The following INTS8 variants were observed in gnomAD, a reference collection of about 807,000 sequenced individuals.
INTS8 encodes the protein integrator complex subunit 8.
Under a neutral mutation model 138.9 loss-of-function variants are expected in INTS8, and 47 were observed. The ratio of observed to expected loss-of-function variants is 0.34; its 90% CI spans 0.27 to 0.43. INTS8 has a LOEUF of 0.43. INTS8 is among the 20% of genes least tolerant of loss of function. The pLI, the probability that INTS8 is intolerant of heterozygous loss-of-function variation, is 1.00. For synonymous variants in INTS8, 392 were observed against 400.9 expected, an observed-to-expected ratio of 0.98 and a Z score of 0.27; for missense variants, 996 against 1,173.0, an observed-to-expected ratio of 0.85 and a Z score of 2.20.
intron 5 of INTS8, 130 bp from the exon 6 acceptor site, chr8:94,831,862 T>G: frequency 1.8e-6 from 1 of 567,012 alleles, no homozygotes; most frequent in Non-Finnish European, 3.0e-6. Flanking sequence ...CAAATGTAAT[T>G]GTACTCTTGC....
In INTS8 at chr8:94,862,853, C is replaced by CCA. The variant is rs894960879; in HGVS notation, c.2077-2641_2077-2640dup. Among the ~76,000 whole-genome samples the CCA allele has an allele frequency of 5.9e-5, 9 of 151,518 alleles. No individual in the cohort carries two copies. In the South Asian group the frequency reaches 1.3e-3, roughly 21 times the overall value. On this transcript the variant is annotated intron_variant, in intron 16 of 26. Coordinates refer to ENST00000523731, the MANE Select transcript of INTS8 (RefSeq NM_017864.4). Reference sequence around the variant, plus strand: ...CACTTCCAAGCTGGTGTGGAATGCACCACACACACACACGCACACACGTGT... The same window carrying CCA: ...CACTTCCAAGCTGGTGTGGAATGCACCACACACACACACACGCACACACGTGT...
At chr8:94,831,612 GCTGGGATTACAGGCGT>G (rs1814718962) in intron 5 of INTS8, among the ~76,000 whole-genome samples, 1 of 151,760 alleles carries the variant, frequency 6.6e-6, no homozygotes, top group Non-Finnish European at 1.5e-5. Context: ...TTCCTGAGTA[GCTGGGATTACAGGCGT>G]CTGCCCCCAT....
At chr8:94,879,465 G>A (rs1816704810) in intron 26 of INTS8, among the ~76,000 whole-genome samples, 1 of 151,758 alleles carries the variant, frequency 6.6e-6, no homozygotes, top group Admixed American at 6.6e-5. Context: ...CGAGATGGCG[G>A]GCGTCTGTAA....
intron 15 of INTS8, 82 bp downstream of exon 15, chr8:94,857,060 G>A: frequency 2.3e-6 from 2 of 856,214 alleles, no homozygotes; most frequent in African/African-American, 1.7e-5. Context: ...AGATTTATTT[G>A]AGTTTGTAAT....
At chr8:94,838,973 T>C (rs978109199) in intron 8 of INTS8, among the ~76,000 whole-genome samples, 5 of 152,256 alleles carry the variant, frequency 3.3e-5, no homozygotes. Context: ...GTTGTGTGTG[T>C]GTGCATTTGT....
At chr8:94,833,999 C>T (rs565735038) in intron 6 of INTS8, among the ~76,000 whole-genome samples, 44 of 151,806 alleles carry the variant, frequency 2.9e-4, no homozygotes, top group African/African-American at 8.0e-4. Flanking sequence ...CTCAAACTCC[C>T]GACTTCCAGT....
intron 6 of INTS8, among the ~76,000 whole-genome samples, chr8:94,834,362 G>GGTGTGTGTGTGT (rs35147334): frequency 1.2e-3 from 175 of 144,568 alleles, no homozygotes; most frequent in Middle Eastern, 3.5e-3. Flanking sequence ...TATGTGCATG[G>GGTGTGTGTGTGT]GTGTGTGTGT....
In INTS8 at chr8:94,850,409, G is replaced by A. The variant is rs1261350894; in HGVS notation, c.1507+318G>A. ...GGGCGGATCACGAGGTCAGCAGATA[G>A]AGACCATCCTGGCTAACACGGTGAA... On this transcript the variant is annotated intron_variant, in intron 12 of 26. Transcript: ENST00000523731. Among the ~76,000 whole-genome samples the A allele has an allele frequency of 2.0e-5, 3 of 152,256 alleles. No individual in the cohort carries two copies. In the East Asian group the frequency reaches 5.8e-4, roughly 29 times the overall value.
intron 10 of INTS8, among the ~76,000 whole-genome samples, chr8:94,843,841 C>A (rs539443890): frequency 1.1e-4 from 16 of 152,278 alleles, no homozygotes; most frequent in African/African-American, 3.6e-4. Flanking sequence ...CCTGAGTGTT[C>A]TCATCAGTCA....
chr8:94,845,309 T>TC (rs1815292701), intron 10 of INTS8, among the ~76,000 whole-genome samples: 1 of 152,160 alleles, frequency 6.6e-6, no homozygotes, highest in Non-Finnish European at 1.5e-5. Context: ...TTAATTTTTT[T>TC]CCCACCAATC....
chr8:94,857,671 T>G (rs1815802464), intron 15 of INTS8, among the ~76,000 whole-genome samples: 1 of 152,200 alleles, frequency 6.6e-6, no homozygotes, highest in Admixed American at 6.5e-5. Flanking sequence ...TTGGGCTGCA[T>G]TGCTCCAGTC....
At chr8:94,843,210 C>T (rs1815201039) in intron 10 of INTS8, among the ~76,000 whole-genome samples, 1 of 152,150 alleles carries the variant, frequency 6.6e-6, no homozygotes, top group African/African-American at 2.4e-5. Context: ...TCTTCTTTCA[C>T]TAAAGAGATT....
At chr8:94,834,575 G>A (rs1814853727) in intron 6 of INTS8, among the ~76,000 whole-genome samples, 1 of 151,936 alleles carries the variant, frequency 6.6e-6, no homozygotes, top group Admixed American at 6.6e-5. Flanking sequence ...GTTGTGGCAG[G>A]TGCCTGTGAT....
chr8:94,844,904 C>T (rs1815277172), intron 10 of INTS8, among the ~76,000 whole-genome samples: 1 of 151,916 alleles, frequency 6.6e-6, no homozygotes, highest in Non-Finnish European at 1.5e-5. Flanking sequence ...AGGCATGTGC[C>T]ACCACGCCTG....
chr8:94,849,853 T>C, intron 11 of INTS8, 63 bp from the exon 12 acceptor site: 3 of 1,222,158 alleles, frequency 2.5e-6, no homozygotes, highest in Non-Finnish European at 2.3e-6. Flanking sequence ...TTGGTTGATA[T>C]GATTGTTTTT....
chr8:94,881,533 A>G lies in INTS8; in HGVS notation c.*1299A>G. Reference sequence around the variant, plus strand: ...TGTAACTTGTGAATTGGCTAGGGCAATCAATCACAGCACTACTTTCTGTAA... The same window carrying G: ...TGTAACTTGTGAATTGGCTAGGGCAGTCAATCACAGCACTACTTTCTGTAA... On this transcript the variant is annotated 3_prime_UTR_variant, in exon 27 of 27. Coordinates refer to ENST00000523731, the MANE Select transcript of INTS8 (RefSeq NM_017864.4). The G allele has an allele frequency of 8.2e-7, 1 of 1,224,070 alleles. No individual in the cohort carries two copies. Among genetic ancestry groups the G allele is most frequent in the Non-Finnish European group, 1.1e-6 (1 of 871,112 alleles). 75.8% of individuals were successfully genotyped at this position (1,224,070 alleles called of 1,614,324 possible).
chr8:94,846,483 A>C (rs576360290), intron 10 of INTS8, among the ~76,000 whole-genome samples: 1 of 152,292 alleles, frequency 6.6e-6, no homozygotes, highest in East Asian at 1.9e-4. Flanking sequence ...CATGTTGGTC[A>C]GGCAGGTCTC....
chr8:94,857,195 C>T (rs1815783682), intron 15 of INTS8, among the ~76,000 whole-genome samples: 1 of 151,274 alleles, frequency 6.6e-6, no homozygotes, highest in Non-Finnish European at 1.5e-5. Flanking sequence ...GCCTCAGCCT[C>T]CTCAGTTGCT....
Position 94,851,572 on chromosome 8 carries a change from T to G in INTS8, c.1527T>G (p.Ile509Met). The change falls in exon 13 of 27, where the codon ATT (isoleucine) becomes ATG (methionine). Residue 509 changes from isoleucine (I) to methionine (M), a missense_variant. Coordinates refer to ENST00000523731, the MANE Select transcript of INTS8 (RefSeq NM_017864.4). The part of the protein sequence containing the change: ...YDIPASASVN[I>M]GQLEHQLILS... ...TTTTAGCTTCAGCAAGTGTCAACAT[T>G]GGTCAGTTAGAGCATCAACTTATAT... 6.3e-7 allele frequency: 1 copy of G among 1,584,442 alleles called. No individual in the cohort carries two copies. The highest frequency in any genetic ancestry group is 8.6e-7 in the Non-Finnish European group (1 of 1,169,532).
Sources: gnomAD v4.1 joint callset for allele counts (sites outside exome capture counted in the v4.1 genomes callset) on GRCh38, gnomAD v4.1.1 for gene constraint, MANE v1.5 for transcripts, NCBI Gene and HGNC (gene_info 2026-07-23, HGNC 2026-07-21) for gene names.